The following SPAG4 variants were observed in gnomAD, a reference collection of about 807,000 sequenced individuals.
SPAG4 encodes sperm associated antigen 4.
Under a neutral mutation model 53.9 loss-of-function variants are expected in SPAG4, and 54 were observed. The observed-to-expected ratio is 1.00, with a 90% CI of 0.80 to 1.26. The LOEUF is 1.26. SPAG4 is among the 50% of genes most tolerant of loss of function. The pLI is 0.00. For synonymous variants in SPAG4, 246 were observed against 237.4 expected (o/e 1.04, Z -0.33); for missense variants, 548 against 568.6 (o/e 0.96, Z 0.37).
At chr20:35,619,453 G>C in intron 9 of SPAG4, 126 bp from the exon 10 acceptor site, 1 of 1,405,956 alleles carries the variant, frequency 7.1e-7, no homozygotes, top group South Asian at 1.2e-5. Flanking sequence ...CATTGCTGGG[G>C]ACTGGGGCGG....
intron 7 of SPAG4, 21 bp downstream of exon 7, chr20:35,618,741 G>C: frequency 6.5e-7 from 1 of 1,537,242 alleles, no homozygotes; most frequent in Admixed American, 1.9e-5. Context: ...GCCCACCTTG[G>C]AAACCCCTGA....
intron 4 of SPAG4, 106 bp from the exon 5 acceptor site, chr20:35,617,981 T>G (rs2031445147): frequency 1.5e-6 from 2 of 1,369,936 alleles, no homozygotes; most frequent in Non-Finnish European, 2.1e-6. Flanking sequence ...ACTCCCACGG[T>G]CCTCCCCAGG....
At position 35,616,295 on chromosome 20, in the gene SPAG4, G is replaced by T; in HGVS notation, c.292G>T (p.Gly98Cys). ...QTACGAATVRGGASEPTGSPV... is the reference protein window; with the variant it reads ...QTACGAATVRCGASEPTGSPV... ...AGCCTGTGGCGCGGCAACCGTGAGG[G>T]GCGGGGCCTCGGGTGCGGGCGGGGT... The change falls in exon 1 of 12, where the codon GGC (glycine) becomes TGC (cysteine). Residue 98 changes from glycine to cysteine, a missense_variant. Coordinates refer to ENST00000374273, the MANE Select transcript of SPAG4 (RefSeq NM_003116.3). 6.7e-7 allele frequency: 1 copy of T among 1,484,784 alleles called. No individual in the cohort carries two copies. Among genetic ancestry groups the T allele is most frequent in the East Asian group, 2.4e-5 (1 of 41,460 alleles). 92.0% of individuals were successfully genotyped at this position (1,484,784 alleles called of 1,614,324 possible).
chr20:35,617,868 C>A lies in SPAG4; in HGVS notation c.538+28C>A, dbSNP rs371793103. 589 of 1,609,164 alleles carry A rather than the reference C, an allele frequency of 3.7e-4. 4 individuals are homozygous for A. The South Asian group carries it at 5.0e-3, about 14-fold the overall frequency. On this transcript the variant is annotated intron_variant, in intron 4 of 11. Transcript: ENST00000374273. The stretch of plus-strand genomic sequence containing the variant: ...GAGGGGCAGTGAATTCCCTGGAGCC[C>A]CTGCCCTGGGTGCTTTGGAGGCAAA...
chr20:35,617,615 G>A (rs1356693694), intron 3 of SPAG4, 29 bp downstream of exon 3: 5 of 1,607,532 alleles, frequency 3.1e-6, no homozygotes, highest in South Asian at 2.2e-5. Flanking sequence ...GGCGCCCCAG[G>A]AACAGCTCTT....
At position 35,618,939 on chromosome 20, in the gene SPAG4, T is replaced by C. The variant is rs1270542347; in HGVS notation, c.734T>C (p.Val245Ala). 4.3e-6 allele frequency: 7 copies of C among 1,614,070 alleles called. No homozygotes were observed. Among genetic ancestry groups the C allele is most frequent in the Non-Finnish European group, 5.9e-6 (7 of 1,180,034 alleles). ...TCCTTGCAGAGAGTGGCCAAGCTCG[T>C]GTTCCAGAGGCTGAATGAGGATTTT... ...AANSERVAKL[V>A]FQRLNEDFVR... The change falls in exon 8 of 12, where the codon GTG (valine) becomes GCG (alanine). Residue 245 changes from valine to alanine, a missense_variant. Coordinates refer to ENST00000374273, the MANE Select transcript of SPAG4 (RefSeq NM_003116.3).
Position 35,620,964 on chromosome 20 carries a change from G to C in SPAG4, c.1256G>C (p.Arg419Pro). 6.2e-7 allele frequency: 1 copy of C among 1,614,198 alleles called. No homozygotes were observed. Among genetic ancestry groups the C allele is most frequent in the Non-Finnish European group, 8.5e-7 (1 of 1,180,036 alleles). ...CGTTTCACGTGCTTGTATCGAGTCC[G>C]TGCCCACGGTGTGCGAACCTCAGAG... ...HPRFTCLYRV[R>P]AHGVRTSEGA... The change falls in exon 12 of 12, where the codon CGT becomes CCT. Residue 419 changes from arginine (R) to proline (P), a missense_variant. Physicochemically the swap from Arg to Pro is moderately radical, Grantham distance 103. Coordinates refer to ENST00000374273, the MANE Select transcript of SPAG4 (RefSeq NM_003116.3).
Position 35,617,598 on chromosome 20 carries a change from G to A in SPAG4, c.476+12G>A, listed in dbSNP as rs747517488. 1 of 1,608,796 alleles carries A rather than the reference G, an allele frequency of 6.2e-7. No individual in the cohort carries two copies. Among genetic ancestry groups the A allele is most frequent in the Non-Finnish European group, 8.5e-7 (1 of 1,177,352 alleles). On this transcript the variant is annotated intron_variant, in intron 3 of 11. Coordinates refer to ENST00000374273, the MANE Select transcript of SPAG4 (RefSeq NM_003116.3). ...GTCAGCATGTACAGGTCAGAGGAAG[G>A]GACGCTGGCGCCCCAGGAACAGCTC...
rs1430565446 is a variant in SPAG4, at chr20:35,617,807, A to G, written c.505A>G (p.Thr169Ala). Residue 169 changes from threonine to alanine, a missense_variant, in exon 4 of 12, where the codon ACG (threonine) becomes GCG (alanine). Physicochemically the swap from Thr to Ala is moderately conservative, Grantham distance 58. Transcript: ENST00000374273. ...GGTCTGTTCCATCCGCTTCCTGTTC[A>G]CGGCTGTGTCGCTGCTGAGCCTCTT... ...REVCSIRFLF[T>A]AVSLLSLFLS... The G allele has an allele frequency of 1.2e-6, 2 of 1,613,894 alleles. No homozygotes were observed. The highest frequency in any genetic ancestry group is 2.7e-5 in the African/African-American group (2 of 74,860).
chr20:35,617,439 T>G (rs2031425006), intron 2 of SPAG4, 81 bp from the exon 3 acceptor site: 9 of 1,017,038 alleles, frequency 8.8e-6, no homozygotes, highest in Non-Finnish European at 1.3e-5. Context: ...CCCAAGCCCC[T>G]TCTGAACCCG....
intron 8 of SPAG4, 69 bp from the exon 9 acceptor site, chr20:35,619,126 C>T: frequency 8.4e-7 from 1 of 1,183,688 alleles, no homozygotes; most frequent in Non-Finnish European, 1.2e-6. Context: ...GCCCCCAGCC[C>T]CCGCGCCCCC....
chr20:35,618,652 C>T lies in SPAG4; in HGVS notation c.649C>T (p.Gln217Ter). Residue 217 changes from glutamine (Q) to a stop codon, truncating the protein, a stop_gained, in exon 7 of 12, where the codon CAG becomes TAG. Coordinates refer to ENST00000374273, the MANE Select transcript of SPAG4 (RefSeq NM_003116.3). LOFTEE classifies it high-confidence loss of function. ...CGTGCGCTCCCAGGGGCAGCAGCTGCAGCAGCTCCAGGCCGAGCTGGATAA... is the reference window on the plus strand; with the variant it reads ...CGTGCGCTCCCAGGGGCAGCAGCTGTAGCAGCTCCAGGCCGAGCTGGATAA... The part of the protein sequence containing the change: ...ERVRSQGQQL[Q>*]QLQAELDKLH... 3.1e-6 allele frequency: 5 copies of T among 1,598,560 alleles called. No homozygotes were observed. The highest frequency in any genetic ancestry group is 4.3e-6 in the Non-Finnish European group (5 of 1,172,626).
chr20:35,618,340 G>C, intron 5 of SPAG4, 110 bp from the exon 6 acceptor site: 1 of 1,411,604 alleles, frequency 7.1e-7, no homozygotes, highest in South Asian at 1.2e-5. Context: ...GAGGAGTCGA[G>C]GAAAGGGGAC....
chr20:35,615,928 G>A lies in SPAG4; in HGVS notation c.-76G>A. The A allele has an allele frequency of 6.2e-6, 9 of 1,462,834 alleles. No individual in the cohort carries two copies. The highest frequency in any genetic ancestry group is 8.3e-6 in the Non-Finnish European group (9 of 1,082,958). 90.6% of individuals were successfully genotyped at this position (1,462,834 alleles called of 1,614,324 possible). On this transcript the variant is annotated 5_prime_UTR_variant, in exon 1 of 12. Transcript: ENST00000374273. ...CCGTGGGGTCCCCGCGGCGCGCAGC[G>A]GCTGAAGGAGGCCCCAGGGCCTTGG...
chr20:35,619,700 AG>A lies in SPAG4; in HGVS notation c.1032del (p.Glu344AspfsTer56). 1 of 1,613,390 alleles carries A rather than the reference AG, an allele frequency of 6.2e-7. No individual in the cohort carries two copies. On this transcript the variant is annotated frameshift_variant, in exon 10 of 12. Coordinates refer to ENST00000374273, the MANE Select transcript of SPAG4 (RefSeq NM_003116.3). LOFTEE classifies it high-confidence loss of function. ...ITLQHPPPSV[E>X]HTGGANSAPR... ...CTGCAGCATCCACCGCCCAGCGTGGAGCACACCGGAGGAGCCAACAGCGCCC... is the reference window on the plus strand; with the variant it reads ...CTGCAGCATCCACCGCCCAGCGTGGACACACCGGAGGAGCCAACAGCGCCC...
chr20:35,617,723 G>T, intron 3 of SPAG4, 56 bp from the exon 4 acceptor site: 2 of 1,577,716 alleles, frequency 1.3e-6, no homozygotes, highest in Non-Finnish European at 1.7e-6. Context: ...AGGACCCTGG[G>T]GTGGGGACTG....
chr20:35,617,220 G>A lies in SPAG4; in HGVS notation c.389G>A (p.Arg130Gln). 6.2e-7 allele frequency: 1 copy of A among 1,600,102 alleles called. No homozygotes were observed. The highest frequency in any genetic ancestry group is 1.1e-5 in the South Asian group (1 of 88,588). ...CTGAGGCAGGAGATGCCTCCCCCGCGGGTGTTCAAGAGCTTTCTGAGTACG... is the reference window on the plus strand; with the variant it reads ...CTGAGGCAGGAGATGCCTCCCCCGCAGGTGTTCAAGAGCTTTCTGAGTACG... Reference protein sequence around the residue: ...LDLRQEMPPPRVFKSFLSLLF... With the variant: ...LDLRQEMPPPQVFKSFLSLLF... Residue 130 changes from arginine to glutamine, a missense_variant, in exon 2 of 12, where the codon CGG becomes CAG. Physicochemically the swap from Arg to Gln is conservative, Grantham distance 43. Transcript: ENST00000374273.
chr20:35,616,607 T>C (rs1444405058), intron 1 of SPAG4, among the ~76,000 whole-genome samples: 1 of 147,862 alleles, frequency 6.8e-6, no homozygotes, highest in Non-Finnish European at 1.5e-5. Context: ...TGGGGGCGGG[T>C]CATCCGTTTG....
intron 1 of SPAG4, chr20:35,616,552 C>T (rs1909014770): frequency 9.5e-6 from 2 of 210,448 alleles, no homozygotes; most frequent in Non-Finnish European, 1.6e-5. Context: ...TCAATGTTAG[C>T]GTGAGTGGCT....
Sources: allele counts gnomAD v4.1 joint callset (sites outside exome capture counted in the v4.1 genomes callset), GRCh38; gene constraint gnomAD v4.1.1; transcripts MANE v1.5; gene names NCBI Gene and HGNC (gene_info 2026-07-23, HGNC 2026-07-21).